The following PLCB1 variants were observed in gnomAD, a reference collection of about 807,000 sequenced individuals.
PLCB1 encodes the protein phospholipase C beta 1.
A neutral mutation model predicts 161.8 loss-of-function variants in PLCB1; 46 were observed. The ratio of observed to expected loss-of-function variants is 0.28; its 90% confidence interval spans 0.22 to 0.36. The LOEUF (loss-of-function observed/expected upper bound fraction) is 0.36, where lower values mean the gene tolerates loss of function less well. PLCB1 is among the 10% of genes least tolerant of loss of function. The pLI is 1.00. For synonymous variants in PLCB1, 517 were observed against 503.7 expected, an observed-to-expected ratio of 1.03 and a Z score of -0.35; for missense variants, 1,016 against 1,472.5, an observed-to-expected ratio of 0.69 and a Z score of 5.07.
intron 2 of PLCB1, among the ~76,000 whole-genome samples, chr20:8,269,878 A>C (rs1982187911): frequency 6.6e-6 from 1 of 151,876 alleles, no homozygotes; most frequent in East Asian, 1.9e-4. Flanking sequence ...TTATTTGTGA[A>C]ATGTAGATCT....
At chr20:8,867,397 A>G (rs998540782) in intron 31 of PLCB1, among the ~76,000 whole-genome samples, 6 of 152,194 alleles carry the variant, frequency 3.9e-5, no homozygotes, top group Admixed American at 1.3e-4. Flanking sequence ...CCTTGCTTCT[A>G]ATGTGACTCG....
chr20:8,800,915 T>C (rs1461049703), intron 31 of PLCB1, among the ~76,000 whole-genome samples: 1 of 152,054 alleles, frequency 6.6e-6, no homozygotes, highest in Non-Finnish European at 1.5e-5. Context: ...CTCCATCATC[T>C]CTCCCCTGGA....
chr20:8,418,889 T>C (rs1007815342), intron 3 of PLCB1, among the ~76,000 whole-genome samples: 6 of 152,166 alleles, frequency 3.9e-5, no homozygotes, highest in Non-Finnish European at 8.8e-5. Context: ...ATACCCCATT[T>C]CATTGTCTGC....
intron 3 of PLCB1, among the ~76,000 whole-genome samples, chr20:8,494,896 G>A (rs1983094945): frequency 6.6e-6 from 1 of 152,110 alleles, no homozygotes. Context: ...TCACATGGTT[G>A]TTATGTTGAG....
intron 7 of PLCB1, among the ~76,000 whole-genome samples, chr20:8,655,731 C>T (rs1489425581): frequency 1.3e-5 from 2 of 151,986 alleles, no homozygotes; most frequent in Non-Finnish European, 2.9e-5. Context: ...TCATAAAATC[C>T]AGTAAAGCTG....
At position 8,725,073 on chromosome 20, in the gene PLCB1, C is replaced by T. The variant is rs552721426; in HGVS notation, c.1678+321C>T. On this transcript the variant is annotated intron_variant, in intron 16 of 31. Transcript: ENST00000338037. ...TGGGAATTGTACTTTGCTTTTTGTT[C>T]GCAACACACAGTGAGATCCATCTGT... Among the ~76,000 whole-genome samples the T allele has an allele frequency of 5.9e-5, 9 of 152,102 alleles. 1 individual carries two copies. The highest frequency in any genetic ancestry group is 8.8e-5 in the Non-Finnish European group (6 of 67,962).
chr20:8,539,637 T>TTTCTTTCTTTCTTTCTTTCTTTCTTTCC (rs1985207649), intron 3 of PLCB1, among the ~76,000 whole-genome samples: 1 of 91,052 alleles, frequency 1.1e-5, no homozygotes, highest in African/African-American at 4.5e-5. Context: ...TCTTTCTTTC[T>TTTCTTTCTTTCTTTCTTTCTTTCTTTCC]TTCTTTCTTT....
At chr20:8,701,481 C>T (rs1341060115) in intron 11 of PLCB1, among the ~76,000 whole-genome samples, 1 of 152,158 alleles carries the variant, frequency 6.6e-6, no homozygotes, top group Non-Finnish European at 1.5e-5. Context: ...TGTCACCAGC[C>T]ACCACTCCCA....
chr20:8,587,729 T>G (rs1987033092), intron 3 of PLCB1, among the ~76,000 whole-genome samples: 1 of 152,196 alleles, frequency 6.6e-6, no homozygotes, highest in African/African-American at 2.4e-5. Flanking sequence ...AATGCAGAAT[T>G]TGTTCATCCT....
intron 3 of PLCB1, among the ~76,000 whole-genome samples, chr20:8,602,680 TTGA>T (rs1361276212): frequency 2.0e-5 from 3 of 152,252 alleles, no homozygotes; most frequent in Non-Finnish European, 4.4e-5. Flanking sequence ...GCTATTGTTC[TTGA>T]TGATTTAGAA....
At chr20:8,632,794 T>C (rs1038962297) in intron 4 of PLCB1, among the ~76,000 whole-genome samples, 2 of 151,816 alleles carry the variant, frequency 1.3e-5, no homozygotes, top group African/African-American at 4.8e-5. Context: ...GTAAGCAAGA[T>C]TGAGGGAAGG....
chr20:8,589,602 A>ATC (rs1305498800), intron 3 of PLCB1, among the ~76,000 whole-genome samples: 6 of 141,360 alleles, frequency 4.2e-5, no homozygotes, highest in Non-Finnish European at 6.1e-5. Flanking sequence ...TCTGGGGTCA[A>ATC]TCTCTCTCTT....
At chr20:8,774,375 A>G (rs557193521) in intron 26 of PLCB1, among the ~76,000 whole-genome samples, 164 bp from the exon 27 acceptor site, 1 of 152,228 alleles carries the variant, frequency 6.6e-6, no homozygotes, top group Non-Finnish European at 1.5e-5. Context: ...GAGACACTCT[A>G]TTGCTAAGCT....
chr20:8,413,066 CA>C (rs550830659), intron 3 of PLCB1, among the ~76,000 whole-genome samples: 291 of 151,818 alleles, frequency 1.9e-3, no homozygotes, highest in African/African-American at 6.5e-3. Context: ...AGACTTTGAC[CA>C]AATTGTGTAG....
In PLCB1 at chr20:8,386,921, A is replaced by G. The variant is rs200106353; in HGVS notation, c.246+15471A>G. Among the ~76,000 whole-genome samples, 4 of 152,196 alleles carry G rather than the reference A, an allele frequency of 2.6e-5. No homozygotes were observed. In the East Asian group the frequency reaches 7.7e-4, roughly 29 times the overall value. ...ATGAACCAACCACTGCTAGCTTCAT[A>G]CTTTTCTTTTGCAGCTTTCTAGCCT... is the stretch of plus-strand genomic sequence containing the variant. On this transcript the variant is annotated intron_variant, in intron 3 of 31. Transcript: ENST00000338037.
At chr20:8,375,568 A>G (rs920224326) in intron 3 of PLCB1, among the ~76,000 whole-genome samples, 1 of 152,222 alleles carries the variant, frequency 6.6e-6, no homozygotes, top group Non-Finnish European at 1.5e-5. Flanking sequence ...TACTGTGGGC[A>G]ATACATATCG....
At chr20:8,362,423 A>T (rs952597520) in intron 2 of PLCB1, among the ~76,000 whole-genome samples, 1 of 152,226 alleles carries the variant, frequency 6.6e-6, no homozygotes, top group African/African-American at 2.4e-5. Context: ...CAAGTGTGGC[A>T]GTTTCTTCCC....
intron 3 of PLCB1, among the ~76,000 whole-genome samples, chr20:8,517,373 G>A (rs1984174332): frequency 6.6e-6 from 1 of 152,112 alleles, no homozygotes; most frequent in Non-Finnish European, 1.5e-5. Context: ...AATAAGGAAG[G>A]CACAAGATTC....
chr20:8,461,303 A>G (rs1311948934), intron 3 of PLCB1, among the ~76,000 whole-genome samples: 1 of 152,194 alleles, frequency 6.6e-6, no homozygotes, highest in Non-Finnish European at 1.5e-5. Flanking sequence ...GCAGACTCAT[A>G]GAACTGTCAA....
Sources: allele counts gnomAD v4.1 joint callset (sites outside exome capture counted in the v4.1 genomes callset), GRCh38; gene constraint gnomAD v4.1.1; transcripts MANE v1.5; gene names NCBI Gene and HGNC (gene_info 2026-07-23, HGNC 2026-07-21).